NEBL: variants seen among roughly 807,000 people sequenced by gnomAD.
NEBL encodes LIM and SH3 protein 2.
In NEBL, 122 loss-of-function variants were observed where a neutral mutation model predicts 140.2. That is an observed-to-expected ratio of 0.87 (90% confidence interval 0.75 to 1.01). The LOEUF is 1.01. Among genes scored for constraint, NEBL ranks in the 50% least tolerant of loss-of-function variants. NEBL has a pLI of 0.00. For synonymous variants in NEBL, 436 were observed against 398.9 expected, an observed-to-expected ratio of 1.09 and a Z score of -1.11; for missense variants, 1,365 against 1,231.3, an observed-to-expected ratio of 1.11 and a Z score of -1.62.
rs1292852441 is a variant in NEBL at position 21,169,063 on chromosome 10, AAAAAATATATAT to A, written c.164+3308_164+3319del. Among the ~76,000 whole-genome samples the A allele has an allele frequency of 1.6e-3, 56 of 35,290 alleles. 2 individuals are homozygous for A. In the East Asian group the frequency reaches 0.028, roughly 18 times the overall value. The allele number at this position is 35,290 out of a possible 152,430, so 23.2% of individuals were successfully genotyped here. On this transcript the variant is annotated intron_variant, in intron 2 of 6. Transcript: ENST00000417816. The stretch of plus-strand genomic sequence containing the variant: ...GACTCCGTCTACAAAAAAAAAAAAA[AAAAAATATATAT>A]ATATATATATATATATATATATATA...
intron 3 of NEBL, among the ~76,000 whole-genome samples, chr10:20,969,304 CT>C (rs1322136422): frequency 6.6e-6 from 1 of 150,884 alleles, no homozygotes; most frequent in Non-Finnish European, 1.5e-5. Flanking sequence ...TTATAATTAC[CT>C]TTTTAAACAT....
At chr10:20,968,483 C>G (rs1836428551) in intron 3 of NEBL, among the ~76,000 whole-genome samples, 1 of 152,170 alleles carries the variant, frequency 6.6e-6, no homozygotes, top group Non-Finnish European at 1.5e-5. Flanking sequence ...TGCACTCCAG[C>G]CTGGGCAACA....
chr10:20,993,576 C>T (rs561502270), intron 3 of NEBL, among the ~76,000 whole-genome samples: 2 of 152,260 alleles, frequency 1.3e-5, no homozygotes, highest in East Asian at 1.9e-4. Flanking sequence ...CCCTGCTAGA[C>T]GGCAGCTATA....
At chr10:21,048,312 A>T (rs1454584892) in intron 2 of NEBL, among the ~76,000 whole-genome samples, 1 of 152,170 alleles carries the variant, frequency 6.6e-6, no homozygotes, top group African/African-American at 2.4e-5. Flanking sequence ...ACAGACCCAC[A>T]GCATGCTGGG....
chr10:21,021,277 A>G (rs1838780112), intron 2 of NEBL, among the ~76,000 whole-genome samples: 1 of 152,250 alleles, frequency 6.6e-6, no homozygotes, highest in African/African-American at 2.4e-5. Context: ...AGGTGACTAC[A>G]GCACTAGCCA....
intron 3 of NEBL, among the ~76,000 whole-genome samples, chr10:21,008,995 T>C (rs1272772722): frequency 1.3e-5 from 2 of 151,876 alleles, no homozygotes; most frequent in African/African-American, 4.8e-5. Flanking sequence ...TTAAGTGGTA[T>C]TCCTATGAAG....
rs16921213 is a variant in NEBL at position 20,880,994 on chromosome 10, T to G, written c.370-90A>C. The G allele has an allele frequency of 0.13, 124,847 of 930,802 alleles. 9,620 individuals are homozygous for G. The highest frequency in any genetic ancestry group is 0.16 in the Non-Finnish European group (93,422 of 570,188). 57.7% of individuals were successfully genotyped at this position (930,802 alleles called of 1,614,324 possible). The stretch of plus-strand genomic sequence containing the variant: ...GTGTTTTGCCAGGACTTTATATATT[T>G]GAATACCACCACTGATAGTTAATTT... On this transcript the variant is annotated intron_variant, in intron 4 of 27. Coordinates refer to ENST00000377122, the MANE Select transcript of NEBL (RefSeq NM_006393.3).
At chr10:20,920,936 C>A (rs1833552487) in intron 4 of NEBL, among the ~76,000 whole-genome samples, 1 of 152,094 alleles carries the variant, frequency 6.6e-6, no homozygotes, top group Non-Finnish European at 1.5e-5. Flanking sequence ...TATTTCTAGC[C>A]AGCTTGCTAT....
At chr10:21,281,384 A>ACTC (rs1459946118) in intron 1 of NEBL, among the ~76,000 whole-genome samples, 1 of 151,314 alleles carries the variant, frequency 6.6e-6, no homozygotes, top group Non-Finnish European at 1.5e-5. Context: ...CTGGTCTCAA[A>ACTC]CTCCTTGCCT....
In NEBL at chr10:20,796,328, C is replaced by T. The variant is rs184724575; in HGVS notation, c.2762-9020G>A. Among the ~76,000 whole-genome samples, 28 of 130,944 alleles carry T rather than the reference C, an allele frequency of 2.1e-4. 1 individual carries two copies. The Admixed American group carries it at 2.4e-3, about 11-fold the overall frequency. 85.9% of individuals were successfully genotyped at this position (130,944 alleles called of 152,430 possible). A position where few individuals can be genotyped will look rare whatever the true frequency, so the allele number is the denominator to read the frequency against. On this transcript the variant is annotated intron_variant, in intron 26 of 27. Transcript: ENST00000377122. ...GAGCCGAGATTGCACCATTGCACTC[C>T]AGCCTGGGGTGACAAGAGTGAAACT...
At chr10:21,230,276 C>G (rs1351224575) in intron 3 of NEBL, among the ~76,000 whole-genome samples, 1 of 152,106 alleles carries the variant, frequency 6.6e-6, no homozygotes, top group South Asian at 2.1e-4. Flanking sequence ...CCTATGGCAA[C>G]CATGTACATT....
chr10:20,799,850 T>C, intron 26 of NEBL, among the ~76,000 whole-genome samples: 1 of 152,172 alleles, frequency 6.6e-6, no homozygotes, highest in African/African-American at 2.4e-5. Flanking sequence ...GTTTACAACA[T>C]GATGGTATGG....
intron 4 of NEBL, among the ~76,000 whole-genome samples, chr10:20,942,808 C>T (rs1834949889): frequency 6.6e-6 from 1 of 152,182 alleles, no homozygotes; most frequent in Non-Finnish European, 1.5e-5. Context: ...CAAAAGAAGA[C>T]ATTTATGCAG....
intron 2 of NEBL, among the ~76,000 whole-genome samples, chr10:21,115,944 G>T (rs1838265050): frequency 1.3e-5 from 2 of 151,604 alleles, no homozygotes; most frequent in Admixed American, 1.3e-4. Flanking sequence ...ATTCTTTTTA[G>T]TCTTCTTTTT....
At chr10:21,223,398 G>A (rs1304075425) in intron 3 of NEBL, among the ~76,000 whole-genome samples, 1 of 152,160 alleles carries the variant, frequency 6.6e-6, no homozygotes, top group African/African-American at 2.4e-5. Context: ...TTCTATGGCT[G>A]AATAGTATTC....
chr10:21,187,355 T>G (rs1841492197), intron 3 of NEBL, among the ~76,000 whole-genome samples: 1 of 152,110 alleles, frequency 6.6e-6, no homozygotes, highest in South Asian at 2.1e-4. Context: ...AAGAGAAGTT[T>G]TTTGGGGGAA....
At chr10:20,923,541 T>C (rs1276671922) in intron 4 of NEBL, among the ~76,000 whole-genome samples, 1 of 151,028 alleles carries the variant, frequency 6.6e-6, no homozygotes, top group Non-Finnish European at 1.5e-5. Flanking sequence ...TAGCCGGGCA[T>C]AGTGGCACAA....
intron 2 of NEBL, among the ~76,000 whole-genome samples, chr10:21,166,271 C>T (rs897816764): frequency 5.6e-5 from 8 of 142,738 alleles, no homozygotes; most frequent in Admixed American, 1.4e-4. Flanking sequence ...TTTTCTACAT[C>T]ATGATCCAGT....
chr10:21,288,851 A>ATATATATATAT (rs1337610393), intron 1 of NEBL, among the ~76,000 whole-genome samples: 72 of 32,114 alleles, frequency 2.2e-3, no homozygotes, highest in African/African-American at 3.2e-3. Context: ...TATATATATA[A>ATATATATATAT]AAATTTTTTT....
Sources: gnomAD v4.1 joint callset for allele counts (sites outside exome capture counted in the v4.1 genomes callset) on GRCh38, gnomAD v4.1.1 for gene constraint, MANE v1.5 for transcripts, NCBI Gene and HGNC (gene_info 2026-07-23, HGNC 2026-07-21) for gene names.